Variants in APCDD1 observed in about 807,000 individuals in gnomAD.
APCDD1 encodes protein APCDD1.
A neutral mutation model predicts 38.1 loss-of-function variants in APCDD1; 15 were observed. That is an observed-to-expected ratio of 0.39 (90% confidence interval 0.26 to 0.61). The LOEUF is 0.61. APCDD1 is among the 20% of genes least tolerant of loss of function. The pLI is 0.49. For synonymous variants in APCDD1, 261 were observed against 279.7 expected (o/e 0.93, Z 0.67); for missense variants, 647 against 696.2 (o/e 0.93, Z 0.79).
rs564230464 is a variant in APCDD1 at position 10,467,133 on chromosome 18, A to G, written c.59-1336A>G. ...TTGTCCACATGATGGTAAATATCTGAATATTTAACAGATATCTGAAGTTAC... is the reference window on the plus strand; with the variant it reads ...TTGTCCACATGATGGTAAATATCTGGATATTTAACAGATATCTGAAGTTAC... On this transcript the variant is annotated intron_variant, in intron 1 of 4. Transcript: ENST00000355285. The surrounding 1 kb of genome is among the most constrained non-coding windows in gnomAD (Gnocchi z 4.8). 8.5e-5 allele frequency among the ~76,000 whole-genome samples: 13 copies of G among 152,312 alleles called. No individual in the cohort carries two copies. The highest frequency in any genetic ancestry group is 1.6e-4 in the Non-Finnish European group (11 of 68,028).
intron 1 of APCDD1, among the ~76,000 whole-genome samples, chr18:10,462,643 CTCCTTCCT>C (rs765196609): frequency 0.013 from 206 of 15,792 alleles, 16 homozygotes; most frequent in Admixed American, 0.048. Flanking sequence ...CCTTCCCTCC[CTCCTTCCT>C]TCCTTCCTTC....
chr18:10,480,820 A>G (rs998589646), intron 3 of APCDD1, among the ~76,000 whole-genome samples: 1 of 152,040 alleles, frequency 6.6e-6, no homozygotes, highest in South Asian at 2.1e-4. Flanking sequence ...GTGATCTGAG[A>G]TCACATCACT....
In APCDD1 at chr18:10,472,099, A is replaced by C; in HGVS notation, c.774+38A>C. 6.2e-7 allele frequency: 1 copy of C among 1,611,722 alleles called. No homozygotes were observed. Among genetic ancestry groups the C allele is most frequent in the Non-Finnish European group, 8.5e-7 (1 of 1,179,772 alleles). On this transcript the variant is annotated intron_variant, in intron 3 of 4. Coordinates refer to ENST00000355285, the MANE Select transcript of APCDD1 (RefSeq NM_153000.5). The surrounding 1 kb of genome is among the most constrained non-coding windows in gnomAD (Gnocchi z 6.6). ...TCTGTGTTCTCCTCTTTATTGAGTA[A>C]AGTGGGTGATCCTTCTTAAAGGCTT...
intron 3 of APCDD1, among the ~76,000 whole-genome samples, chr18:10,484,462 C>T (rs1239556307): frequency 6.6e-6 from 1 of 152,160 alleles, no homozygotes. Context: ...TATCGTTTAA[C>T]CAGTTTTAAG....
Position 10,472,915 on chromosome 18 carries a change from G to A in APCDD1, c.774+854G>A, listed in dbSNP as rs2030897594. 6.6e-6 allele frequency among the ~76,000 whole-genome samples: 1 copy of A among 152,198 alleles called. No homozygotes were observed. ...TCCCCGCAGAGCCTGTGAAGTCCCA[G>A]GCAGGAGGGGAGTGGGCTTCTGCCC... On this transcript the variant is annotated intron_variant, in intron 3 of 4. Coordinates refer to ENST00000355285, the MANE Select transcript of APCDD1 (RefSeq NM_153000.5). This position sits in a 1 kb window ranked among gnomAD's most constrained non-coding sequence, Gnocchi z 6.6.
rs1321328173 is a variant in APCDD1, at chr18:10,472,692, C to T, written c.774+631C>T. On this transcript the variant is annotated intron_variant, in intron 3 of 4. Transcript: ENST00000355285. This position sits in a 1 kb window ranked among gnomAD's most constrained non-coding sequence, Gnocchi z 6.6. ...CCAAAGGTCCTTCCTCCATACCCCA[C>T]GTTCTTTTCATTTCACTAAGGAAAA... is the stretch of plus-strand genomic sequence containing the variant. 1.3e-5 allele frequency among the ~76,000 whole-genome samples: 2 copies of T among 152,196 alleles called. No homozygotes were observed. Among genetic ancestry groups the T allele is most frequent in the Non-Finnish European group, 2.9e-5 (2 of 68,032 alleles).
intron 3 of APCDD1, among the ~76,000 whole-genome samples, chr18:10,482,396 C>T (rs902770462): frequency 4.6e-5 from 7 of 152,140 alleles, no homozygotes; most frequent in African/African-American, 7.2e-5. Context: ...CCTGCCCAGG[C>T]GGAGGGGGTA....
chr18:10,477,422 G>A (rs1441393948), intron 3 of APCDD1: 3 of 152,218 alleles, frequency 2.0e-5, no homozygotes, highest in Non-Finnish European at 2.9e-5. Flanking sequence ...TATCTGGGCC[G>A]AGGTGTGCAG....
At chr18:10,459,781 G>C (rs2143508656) in intron 1 of APCDD1, among the ~76,000 whole-genome samples, 1 of 152,216 alleles carries the variant, frequency 6.6e-6, no homozygotes, top group African/African-American at 2.4e-5. Flanking sequence ...TTATTTAATT[G>C]GGCAGGCAAT....
In APCDD1 at chr18:10,469,407, A is replaced by G. The variant is rs1200549749; in HGVS notation, c.242+755A>G. Among the ~76,000 whole-genome samples, 4 of 152,242 alleles carry G rather than the reference A, an allele frequency of 2.6e-5. No individual in the cohort carries two copies. Among genetic ancestry groups the G allele is most frequent in the Admixed American group, 1.3e-4 (2 of 15,288 alleles). ...ATGAAGACCCAGAATTTTATTTCAT[A>G]AAAATGAGGTCTCTCCAAATAACCA... On this transcript the variant is annotated intron_variant, in intron 2 of 4. Coordinates refer to ENST00000355285, the MANE Select transcript of APCDD1 (RefSeq NM_153000.5). The surrounding 1 kb of genome is among the most constrained non-coding windows in gnomAD (Gnocchi z 5.5).
intron 4 of APCDD1, 89 bp from the exon 5 acceptor site, chr18:10,487,501 A>T (rs2031272983): frequency 2.3e-6 from 3 of 1,305,078 alleles, no homozygotes; most frequent in Non-Finnish European, 3.3e-6. Flanking sequence ...AGCCTTGTCT[A>T]GTTAGAGTGT....
chr18:10,464,999 G>A (rs1028985335), intron 1 of APCDD1, among the ~76,000 whole-genome samples: 3 of 152,170 alleles, frequency 2.0e-5, no homozygotes, highest in African/African-American at 7.2e-5. Context: ...TGGAATGAAA[G>A]GCAGGGTGCT....
intron 2 of APCDD1, 120 bp downstream of exon 2, chr18:10,468,772 G>A (rs1420103099): frequency 9.0e-7 from 1 of 1,114,106 alleles, no homozygotes; most frequent in Non-Finnish European, 1.3e-6. Context: ...TGTTGTCCAA[G>A]TTCTAATGAA....
rs2031299918 is a variant in APCDD1, at chr18:10,488,414, T to C, written c.*376T>C. The C allele has an allele frequency of 1.1e-5, 2 of 189,152 alleles. No homozygotes were observed. Among genetic ancestry groups the C allele is most frequent in the Non-Finnish European group, 2.2e-5 (2 of 91,672 alleles). The allele number at this position is 189,152 out of a possible 1,614,324, so 11.7% of individuals were successfully genotyped here. A position where few individuals can be genotyped will look rare whatever the true frequency, so the allele number is the denominator to read the frequency against. On this transcript the variant is annotated 3_prime_UTR_variant, in exon 5 of 5. Transcript: ENST00000355285. ...AGAAACAACTATCAAGCTACAACTT[T>C]TCCTGCCATTTTCCTGTGGTTGCAG...
rs2030802589 is a variant in APCDD1 at position 10,469,565 on chromosome 18, C to A, written c.242+913C>A. On this transcript the variant is annotated intron_variant, in intron 2 of 4. Transcript: ENST00000355285. The surrounding 1 kb of genome is among the most constrained non-coding windows in gnomAD (Gnocchi z 5.5). Reference sequence around the variant, plus strand: ...TAAGTTTTGTTTATATAGCAGTGAACAAAACAGACCTGGTCCCTGTCTTCA... The same window carrying A: ...TAAGTTTTGTTTATATAGCAGTGAAAAAAACAGACCTGGTCCCTGTCTTCA... 6.6e-6 allele frequency among the ~76,000 whole-genome samples: 1 copy of A among 152,040 alleles called. No individual in the cohort carries two copies. Among genetic ancestry groups the A allele is most frequent in the South Asian group, 2.1e-4 (1 of 4,814 alleles).
intron 3 of APCDD1, among the ~76,000 whole-genome samples, chr18:10,484,797 G>A (rs957675048): frequency 1.3e-5 from 2 of 151,218 alleles, no homozygotes; most frequent in African/African-American, 2.5e-5. Context: ...TGGATAGACC[G>A]CATTTTGTTG....
rs755163934 is a variant in APCDD1 at position 10,471,740 on chromosome 18, G to C, written c.453G>C (p.Gln151His). The C allele has an allele frequency of 1.2e-6, 2 of 1,614,080 alleles. No homozygotes were observed. The highest frequency in any genetic ancestry group is 1.7e-6 in the Non-Finnish European group (2 of 1,180,016). The part of the protein sequence containing the change: ...TEADYQLHNV[Q>H]VICHTEAVAE... The stretch of plus-strand genomic sequence containing the variant: ...CCGACTACCAGCTGCACAACGTCCA[G>C]GTGATCTGCCACACAGAGGCGGTGG... Residue 151 changes from glutamine to histidine, a missense_variant, in exon 3 of 5, where the codon CAG becomes CAC. By Grantham distance (24) the Gln-to-His change is conservative. Coordinates refer to ENST00000355285, the MANE Select transcript of APCDD1 (RefSeq NM_153000.5). This position sits in a 1 kb window ranked among gnomAD's most constrained non-coding sequence, Gnocchi z 5.5.
chr18:10,484,455 C>T (rs912034299), intron 3 of APCDD1, among the ~76,000 whole-genome samples: 3 of 152,116 alleles, frequency 2.0e-5, no homozygotes, highest in African/African-American at 7.2e-5. Flanking sequence ...TAAAATGTAT[C>T]GTTTAACCAG....
In APCDD1 at chr18:10,488,742, G is replaced by C. The variant is rs505893; in HGVS notation, c.*704G>C. ...TCTTACCTTGTTGAGAGAGGAGACT[G>C]GCTTGTTGGCTTCTGGTTGTTGCAG... On this transcript the variant is annotated 3_prime_UTR_variant, in exon 5 of 5. Coordinates refer to ENST00000355285, the MANE Select transcript of APCDD1 (RefSeq NM_153000.5). The C allele has an allele frequency of 0.47, 72,197 of 152,048 alleles. 17,710 individuals carry two copies. The highest frequency in any genetic ancestry group is 0.66 in the East Asian group (3,387 of 5,170). 9.4% of individuals were successfully genotyped at this position (152,048 alleles called of 1,614,324 possible).
Sources: allele counts gnomAD v4.1 joint callset (sites outside exome capture counted in the v4.1 genomes callset), GRCh38; gene constraint gnomAD v4.1.1; non-coding constraint Gnocchi (gnomAD v3.1); transcripts MANE v1.5; gene names NCBI Gene and HGNC (gene_info 2026-07-23, HGNC 2026-07-21).